Variants in FYN observed in about 807,000 individuals in gnomAD.
FYN encodes the protein tyrosine-protein kinase Fyn.
In FYN, 10 loss-of-function variants were observed where a neutral mutation model predicts 70.2. The observed-to-expected ratio is 0.14, with a 90% CI of 0.09 to 0.24. FYN has a LOEUF of 0.24. Among genes scored for constraint, FYN ranks in the 10% least tolerant of loss-of-function variants. The pLI, the probability that FYN is intolerant of heterozygous loss-of-function variation, is 1.00. For synonymous variants in FYN, 236 were observed against 248.6 expected, an observed-to-expected ratio of 0.95 and a Z score of 0.48; for missense variants, 319 against 673.1, an observed-to-expected ratio of 0.47 and a Z score of 5.82.
intron 1 of FYN, among the ~76,000 whole-genome samples, chr6:111,862,211 T>C (rs191770728): frequency 2.0e-5 from 3 of 152,364 alleles, no homozygotes; most frequent in Non-Finnish European, 2.9e-5. Context: ...TCATTTCCTT[T>C]CTTTTTTAGT....
At chr6:111,793,801 T>G (rs898160063) in intron 2 of FYN, 3 of 152,212 alleles carry the variant, frequency 2.0e-5, no homozygotes, top group African/African-American at 7.2e-5. Flanking sequence ...TCCACAGAGC[T>G]GCTCCACCTA....
At chr6:111,692,104 C>CG (rs1044137132) in intron 12 of FYN, among the ~76,000 whole-genome samples, 7 of 146,000 alleles carry the variant, frequency 4.8e-5, no homozygotes, top group Admixed American at 4.7e-4. Context: ...CTTCATTTCC[C>CG]CCCCCCCCAG....
chr6:111,806,418 G>A (rs1001461359), intron 2 of FYN, among the ~76,000 whole-genome samples: 1 of 152,102 alleles, frequency 6.6e-6, no homozygotes, highest in African/African-American at 2.4e-5. Flanking sequence ...CTGCCCTCCT[G>A]GAAGGATCCC....
chr6:111,780,405 A>T (rs1176291016), intron 3 of FYN, among the ~76,000 whole-genome samples, 161 bp downstream of exon 3: 1 of 152,216 alleles, frequency 6.6e-6, no homozygotes. Context: ...AAAGTATCAC[A>T]CTGTCAGAAA....
intron 3 of FYN, among the ~76,000 whole-genome samples, chr6:111,737,364 T>C (rs1801754218): frequency 6.6e-6 from 1 of 152,222 alleles, no homozygotes; most frequent in South Asian, 2.1e-4. Flanking sequence ...TTGTGGTATG[T>C]GCTTCTAACC....
At chr6:111,812,977 G>A (rs1251887676) in intron 2 of FYN, among the ~76,000 whole-genome samples, 5 of 151,934 alleles carry the variant, frequency 3.3e-5, no homozygotes, top group South Asian at 2.1e-4. Context: ...CATTGAAATC[G>A]CCTCACTCAT....
At chr6:111,710,707 C>T (rs1304004377) in intron 5 of FYN, among the ~76,000 whole-genome samples, 2 of 152,116 alleles carry the variant, frequency 1.3e-5, no homozygotes, top group Non-Finnish European at 1.5e-5. Flanking sequence ...AGCCGTTGAG[C>T]GAGTGAATTA....
intron 1 of FYN, among the ~76,000 whole-genome samples, chr6:111,848,229 A>C (rs1773586914): frequency 6.6e-6 from 1 of 152,246 alleles, no homozygotes; most frequent in Non-Finnish European, 1.5e-5. Flanking sequence ...GGTCACAATA[A>C]GGAGATTTCT....
chr6:111,817,711 C>T (rs191343373), intron 2 of FYN, among the ~76,000 whole-genome samples: 2 of 152,240 alleles, frequency 1.3e-5, no homozygotes, highest in East Asian at 3.9e-4. Flanking sequence ...AGTTATTTGG[C>T]GAAGATACAT....
chr6:111,663,223 G>C (rs1255381459), intron 13 of FYN, among the ~76,000 whole-genome samples: 2 of 152,256 alleles, frequency 1.3e-5, no homozygotes, highest in Non-Finnish European at 1.5e-5. Context: ...ATTTGCAGGA[G>C]CAAGAACCCG....
intron 12 of FYN, among the ~76,000 whole-genome samples, chr6:111,688,262 G>A (rs1386013654): frequency 2.6e-5 from 4 of 152,288 alleles, no homozygotes; most frequent in Admixed American, 2.0e-4. Context: ...GTGAACACAG[G>A]CTTATCTAGC....
intron 3 of FYN, among the ~76,000 whole-genome samples, chr6:111,720,383 T>C (rs1437029578): frequency 1.3e-5 from 2 of 152,142 alleles, no homozygotes; most frequent in African/African-American, 4.8e-5. Flanking sequence ...GACGGTCCAA[T>C]CATATTTACC....
intron 2 of FYN, among the ~76,000 whole-genome samples, chr6:111,795,871 A>G (rs1771788248): frequency 6.6e-6 from 1 of 152,202 alleles, no homozygotes; most frequent in Non-Finnish European, 1.5e-5. Flanking sequence ...CTCATGATGA[A>G]TCAATTTCTA....
chr6:111,730,337 T>C lies in FYN; in HGVS notation c.-11-10275A>G, dbSNP rs536194634. Among the ~76,000 whole-genome samples, 18 of 152,272 alleles carry C rather than the reference T, an allele frequency of 1.2e-4. No individual in the cohort carries two copies. In the East Asian group the frequency reaches 2.9e-3, roughly 25 times the overall value. ...ACCAAAAGCAGGGTGGCTGGATTAG[T>C]GGGGTTTTGAGACCCTTTGGGCCAC... On this transcript the variant is annotated intron_variant, in intron 3 of 13. Coordinates refer to ENST00000354650, the MANE Select transcript of FYN (RefSeq NM_002037.5).
intron 5 of FYN, among the ~76,000 whole-genome samples, chr6:111,713,451 T>A (rs1800480355): frequency 6.6e-6 from 1 of 152,140 alleles, no homozygotes; most frequent in African/African-American, 2.4e-5. Context: ...CTTCCTGGTG[T>A]GCCCCTCAGC....
chr6:111,817,905 G>A (rs1239008217), intron 2 of FYN, among the ~76,000 whole-genome samples: 1 of 152,304 alleles, frequency 6.6e-6, no homozygotes, highest in East Asian at 1.9e-4. Flanking sequence ...GCACTGTCTG[G>A]TTACAACAGT....
chr6:111,706,878 T>C (rs151213386), intron 6 of FYN, among the ~76,000 whole-genome samples: 1 of 152,294 alleles, frequency 6.6e-6, no homozygotes, highest in Non-Finnish European at 1.5e-5. Flanking sequence ...CTTGATTCAC[T>C]GATGACGAAA....
chr6:111,808,211 C>T (rs1772213472), intron 2 of FYN, among the ~76,000 whole-genome samples: 1 of 152,212 alleles, frequency 6.6e-6, no homozygotes, highest in Non-Finnish European at 1.5e-5. Context: ...AGCAGCAAAT[C>T]TGCAAACACA....
At chr6:111,771,285 C>G (rs574320256) in intron 3 of FYN, among the ~76,000 whole-genome samples, 1 of 152,268 alleles carries the variant, frequency 6.6e-6, no homozygotes, top group South Asian at 2.1e-4. Context: ...ATGGGAACAA[C>G]AGATGTCACA....
Sources: allele counts gnomAD v4.1 joint callset (sites outside exome capture counted in the v4.1 genomes callset), GRCh38; gene constraint gnomAD v4.1.1; transcripts MANE v1.5; gene names NCBI Gene and HGNC (gene_info 2026-07-23, HGNC 2026-07-21).